Variants in ACSM3 observed in about 807,000 individuals in gnomAD.
ACSM3 encodes acyl-CoA synthetase medium chain family member 3.
In ACSM3, 61 loss-of-function variants were observed where a neutral mutation model predicts 74.1. The observed-to-expected ratio is 0.82, with a 90% confidence interval of 0.67 to 1.02. ACSM3 has a LOEUF of 1.02. ACSM3 is among the 50% of genes least tolerant of loss of function. The probability of loss-of-function intolerance (pLI) is 0.00; values close to 1 mark genes in which losing one functional copy is unlikely to be tolerated. For synonymous variants in ACSM3, 213 were observed against 241.5 expected, an observed-to-expected ratio of 0.88 and a Z score of 1.09; for missense variants, 660 against 697.0, an observed-to-expected ratio of 0.95 and a Z score of 0.60.
intron 1 of ACSM3, chr16:20,676,152 A>G (rs1312350221): frequency 1.3e-5 from 2 of 152,308 alleles, no homozygotes; most frequent in African/African-American, 4.8e-5. Context: ...GAGCTCCAGG[A>G]AGTTAAAGTG....
chr16:20,795,807 G>T (rs1008960420), intron 12 of ACSM3, among the ~76,000 whole-genome samples: 1 of 152,230 alleles, frequency 6.6e-6, no homozygotes, highest in African/African-American at 2.4e-5. Flanking sequence ...TTTAAAGGGG[G>T]CTATGAGGGA....
intron 1 of ACSM3, among the ~76,000 whole-genome samples, chr16:20,714,287 T>G (rs1474801099): frequency 6.6e-6 from 1 of 150,636 alleles, no homozygotes; most frequent in Non-Finnish European, 1.5e-5. Context: ...AATATGGAGA[T>G]AGAGTGAAGG....
chr16:20,769,347 G>C (rs1343638225), intron 1 of ACSM3, among the ~76,000 whole-genome samples: 1 of 152,210 alleles, frequency 6.6e-6, no homozygotes, highest in African/African-American at 2.4e-5. Flanking sequence ...AAATGTTAAA[G>C]CCCCATTATT....
chr16:20,781,124 C>A lies in ACSM3; in HGVS notation c.933C>A (p.Ile311=). 1.2e-6 allele frequency: 2 copies of A among 1,613,900 alleles called. No homozygotes were observed. Among genetic ancestry groups the A allele is most frequent in the Non-Finnish European group, 1.7e-6 (2 of 1,179,954 alleles). Residue 311 remains isoleucine, a synonymous_variant, in exon 6 of 14, where the codon ATC becomes ATA. Coordinates refer to ENST00000289416, the MANE Select transcript of ACSM3 (RefSeq NM_005622.4). The part of the protein sequence containing the change: ...HHLPRFEPTS[I]LQTLSKYPIT... ...TACCCCGTTTTGAGCCGACTTCTAT[C>A]TTGCAAGTAAGCCAAAGCACAAAGA... is the stretch of plus-strand genomic sequence containing the variant.
upstream of ACSM3, chr16:20,763,691 C>A (rs941641075): frequency 1.3e-5 from 2 of 152,236 alleles, no homozygotes; most frequent in Non-Finnish European, 2.9e-5. Flanking sequence ...CCCATAACCG[C>A]CCCTCAACTT....
At chr16:20,733,896 C>T (rs551806303) in intron 1 of ACSM3, 11 of 151,818 alleles carry the variant, frequency 7.2e-5, no homozygotes, top group African/African-American at 2.2e-4. Flanking sequence ...TTTTAACTGA[C>T]GTAATTTTTT....
chr16:20,687,384 G>A (rs2079572691), intron 1 of ACSM3, among the ~76,000 whole-genome samples: 1 of 152,092 alleles, frequency 6.6e-6, no homozygotes, highest in African/African-American at 2.4e-5. Flanking sequence ...AGCGAGGTGG[G>A]GCGGGATGCA....
chr16:20,738,915 T>A, intron 1 of ACSM3: 1 of 1,614,224 alleles, frequency 6.2e-7, no homozygotes, highest in Non-Finnish European at 8.5e-7. Flanking sequence ...AGTGTCCTGA[T>A]GAAGACAACG....
Position 20,706,186 on chromosome 16 carries a change from G to A in ACSM3, c.-190+31364G>A, listed in dbSNP as rs148149014. 8.0e-3 allele frequency among the ~76,000 whole-genome samples: 1,212 copies of A among 151,704 alleles called. 17 individuals are homozygous for A. The highest frequency in any genetic ancestry group is 0.028 in the African/African-American group (1,142 of 41,346). ...GACCAAAAGTTTTCCAGATTTTGGTGAAAGATATAAATTTACAGATCCAAG... is the reference window on the plus strand; with the variant it reads ...GACCAAAAGTTTTCCAGATTTTGGTAAAAGATATAAATTTACAGATCCAAG... On this transcript the variant is annotated intron_variant, in intron 1 of 3. Transcript: ENST00000561584.
At chr16:20,738,308 T>TTAAA in intron 1 of ACSM3, 1 of 325,886 alleles carries the variant, frequency 3.1e-6, no homozygotes, top group South Asian at 2.4e-5. Flanking sequence ...CACACTTTTT[T>TTAAA]ACAAAAAAAA....
At chr16:20,741,481 G>GGGGGGGGGGGCGCCC in intron 1 of ACSM3, 1 of 1,308,412 alleles carries the variant, frequency 7.6e-7, no homozygotes, top group Non-Finnish European at 9.9e-7. Flanking sequence ...CTGGCAGCCG[G>GGGGGGGGGGGCGCCC]CCCGCCCGCC....
chr16:20,764,950 G>T (rs1440363116), intron 1 of ACSM3, among the ~76,000 whole-genome samples: 1 of 152,190 alleles, frequency 6.6e-6, no homozygotes, highest in Non-Finnish European at 1.5e-5. Flanking sequence ...TTCAGGCAGG[G>T]TCTGGTTGGG....
At chr16:20,784,386 G>C (rs561008125) in intron 7 of ACSM3, 2 of 152,558 alleles carry the variant, frequency 1.3e-5, no homozygotes, top group African/African-American at 4.8e-5. Flanking sequence ...GTTCTACTGG[G>C]CAGCACTGTC....
At chr16:20,740,933 G>C (rs1345846800) in intron 1 of ACSM3, among the ~76,000 whole-genome samples, 1 of 152,162 alleles carries the variant, frequency 6.6e-6, no homozygotes, top group Non-Finnish European at 1.5e-5. Flanking sequence ...TTCTGAAAGA[G>C]CTTCAGCACA....
intron 1 of ACSM3, among the ~76,000 whole-genome samples, chr16:20,723,228 G>T (rs2079792133): frequency 6.6e-6 from 1 of 152,062 alleles, no homozygotes; most frequent in African/African-American, 2.4e-5. Flanking sequence ...ATTTTTTATG[G>T]CTGCATAGCA....
intron 1 of ACSM3, chr16:20,741,385 G>T: frequency 8.1e-7 from 1 of 1,229,034 alleles, no homozygotes; most frequent in Non-Finnish European, 1.1e-6. Context: ...GCGAGGCCAC[G>T]CCCCTACAGC....
intron 1 of ACSM3, among the ~76,000 whole-genome samples, chr16:20,764,398 T>G (rs535779978): frequency 6.7e-4 from 102 of 152,284 alleles, no homozygotes; most frequent in African/African-American, 2.4e-3. Context: ...ACTATGTACA[T>G]GTATTAAGTT....
At position 20,756,392 on chromosome 16, in the gene ACSM3, G is replaced by A. The variant is rs546457015; in HGVS notation, c.-52+776G>A. On this transcript the variant is annotated intron_variant, in intron 3 of 3. Coordinates refer to the ACSM3 transcript ENST00000561584. ...CATTTCTCTGATGGCCAGTGATGAT[G>A]AGCATTTTTTCATGTGTCTTTTGGC... Among the ~76,000 whole-genome samples the A allele has an allele frequency of 7.0e-3, 1,061 of 151,912 alleles. 22 individuals are homozygous for A. Among genetic ancestry groups the A allele is most frequent in the Middle Eastern group, 0.017 (5 of 294 alleles).
chr16:20,733,578 T>C (rs1315101399), intron 1 of ACSM3: 1 of 151,950 alleles, frequency 6.6e-6, no homozygotes, highest in Non-Finnish European at 1.5e-5. Flanking sequence ...TAATTTGACA[T>C]ATAAACATAT....
Sources: allele counts gnomAD v4.1 joint callset (sites outside exome capture counted in the v4.1 genomes callset), GRCh38; gene constraint gnomAD v4.1.1; transcripts MANE v1.5; gene names NCBI Gene and HGNC (gene_info 2026-07-23, HGNC 2026-07-21).